Variants in SCN2A observed in about 807,000 individuals in gnomAD.
SCN2A encodes the protein sodium channel protein type 2 subunit alpha.
In SCN2A, 20 loss-of-function variants were observed where a neutral mutation model predicts 188.7. The ratio of observed to expected loss-of-function variants is 0.11; its 90% CI spans 0.07 to 0.15. The LOEUF is 0.15. SCN2A is among the 10% of genes least tolerant of loss of function. The probability of loss-of-function intolerance (pLI) is 1.00; values close to 1 mark genes in which losing one functional copy is unlikely to be tolerated. For missense variants in SCN2A, 1,278 were observed against 2,445.0 expected (o/e 0.52, Z 10.07); for synonymous variants, 804 against 833.1 (o/e 0.97, Z 0.60).
rs778310574 is a variant in SCN2A at position 165,326,883 on chromosome 2, G to A, written c.2048G>A (p.Arg683Lys). 1 of 1,613,968 alleles carries A rather than the reference G, an allele frequency of 6.2e-7. No homozygotes were observed. The highest frequency in any genetic ancestry group is 1.1e-5 in the South Asian group (1 of 91,082). ...GTTTETEIRK[R>K]RSSSYHVSMD... ...ACTACTGAAACAGAAATAAGAAAGAGACGGTCCAGTTCTTATCATGTTTCC... is the reference window on the plus strand; with the variant it reads ...ACTACTGAAACAGAAATAAGAAAGAAACGGTCCAGTTCTTATCATGTTTCC... Residue 683 changes from arginine to lysine, a missense_variant, in exon 13 of 27, where the codon AGA becomes AAA. Transcript: ENST00000375437.
At chr2:165,291,575 T>TCCTTTCTA (rs1460696524) in intron 1 of SCN2A, among the ~76,000 whole-genome samples, 1 of 70,552 alleles carries the variant, frequency 1.4e-5, no homozygotes, top group African/African-American at 4.6e-5. Flanking sequence ...CTTCCTTCCT[T>TCCTTTCTA]TCTCTCTCTC....
At chr2:165,250,499 A>G (rs1392804619) in intron 1 of SCN2A, among the ~76,000 whole-genome samples, 16 of 151,428 alleles carry the variant, frequency 1.1e-4, no homozygotes, top group Admixed American at 1.1e-3. Flanking sequence ...TCACACACAC[A>G]CACACACACA....
At chr2:165,246,849 G>T (rs1030158790) in intron 1 of SCN2A, among the ~76,000 whole-genome samples, 13 of 152,034 alleles carry the variant, frequency 8.6e-5, no homozygotes, top group Non-Finnish European at 1.3e-4. Context: ...CATGTCCCTG[G>T]ATCACTTACT....
rs1380861945 is a variant in SCN2A at position 165,295,965 on chromosome 2, A to C, written c.142A>C (p.Asn48His). Residue 48 changes from asparagine (N) to histidine (H), a missense_variant, in exon 2 of 27, where the codon AAT (asparagine) becomes CAT (histidine). This residue lies in a region of SCN2A where 141 missense variants were observed against 185.4 expected (regional missense o/e 0.76). Coordinates refer to ENST00000375437, the MANE Select transcript of SCN2A (RefSeq NM_001040142.2). ...KQERKDEDDENGPKPNSDLEA... is the reference protein window; with the variant it reads ...KQERKDEDDEHGPKPNSDLEA... ...GGAACGCAAGGATGAGGATGATGAA[A>C]ATGGCCCAAAGCCAAACAGTGACTT... The C allele has an allele frequency of 3.1e-6, 5 of 1,614,026 alleles. No homozygotes were observed. The highest frequency in any genetic ancestry group is 4.2e-6 in the Non-Finnish European group (5 of 1,180,036).
At chr2:165,305,319 A>G (rs1403030600) in intron 3 of SCN2A, among the ~76,000 whole-genome samples, 1 of 152,210 alleles carries the variant, frequency 6.6e-6, no homozygotes, top group Admixed American at 6.5e-5. Context: ...TGAAGTGTTG[A>G]TAAGATATGT....
At chr2:165,357,780 A>G (rs1458154293) in intron 17 of SCN2A, among the ~76,000 whole-genome samples, 1 of 152,120 alleles carries the variant, frequency 6.6e-6, no homozygotes, top group Non-Finnish European at 1.5e-5. Context: ...ACAGGAGTAA[A>G]ATCAAGCTGG....
In SCN2A at chr2:165,342,439, A is replaced by T; in HGVS notation, c.2532A>T (p.Glu844Asp). ...SLMELGLANV[E>D]GLSVLRSFRL... ...TGGAACTTGGTTTGGCAAATGTGGA[A>T]GGATTGTCAGTTCTCCGATCATTCC... The change falls in exon 15 of 27, where the codon GAA (glutamate) becomes GAT (aspartate). Residue 844 changes from glutamate to aspartate, a missense_variant. Coordinates refer to ENST00000375437, the MANE Select transcript of SCN2A (RefSeq NM_001040142.2). The T allele has an allele frequency of 6.2e-7, 1 of 1,614,084 alleles. No individual in the cohort carries two copies. The highest frequency in any genetic ancestry group is 8.5e-7 in the Non-Finnish European group (1 of 1,179,978).
Position 165,354,454 on chromosome 2 carries a change from T to A in SCN2A, c.3182T>A (p.Ile1061Lys), listed in dbSNP as rs781742853. The A allele has an allele frequency of 6.2e-7, 1 of 1,614,056 alleles. No individual in the cohort carries two copies. The highest frequency in any genetic ancestry group is 1.1e-5 in the South Asian group (1 of 91,070). The change falls in exon 17 of 27, where the codon ATA (isoleucine) becomes AAA (lysine). Residue 1061 changes from isoleucine (I) to lysine (K), a missense_variant. Physicochemically the swap from Ile to Lys is moderately radical, Grantham distance 102 (BLOSUM62 -3). Around this residue, in one of 17 missense-constraint regions of SCN2A, gnomAD observed 228 missense variants for 297.3 expected, o/e 0.77. Transcript: ENST00000375437. ...ATTTCCAACCATACCACCATAGAAA[T>A]AGGCAAAGACCTCAATTATCTCAAA... ...SCISNHTTIE[I>K]GKDLNYLKDG...
At chr2:165,384,225 G>A (rs570774137) in intron 25 of SCN2A, among the ~76,000 whole-genome samples, 1 of 152,112 alleles carries the variant, frequency 6.6e-6, no homozygotes, top group East Asian at 1.9e-4. Context: ...TAAATTTAAT[G>A]TTCTAAAAAA....
At chr2:165,330,576 T>C (rs762606676) in intron 13 of SCN2A, among the ~76,000 whole-genome samples, 3 of 152,188 alleles carry the variant, frequency 2.0e-5, no homozygotes, top group Admixed American at 6.6e-5. Context: ...ATGAGAGTTA[T>C]ATATTTAAAT....
intron 13 of SCN2A, among the ~76,000 whole-genome samples, chr2:165,329,446 T>C (rs188802104): frequency 6.6e-6 from 1 of 152,314 alleles, no homozygotes; most frequent in East Asian, 1.9e-4. Context: ...CTCTCCTGAA[T>C]GCTTTGCTTT....
At chr2:165,332,426 G>T (rs1357132607) in intron 14 of SCN2A, among the ~76,000 whole-genome samples, 4 of 151,900 alleles carry the variant, frequency 2.6e-5, no homozygotes, top group African/African-American at 9.7e-5. Flanking sequence ...TGGACTAAAT[G>T]GTTTACATTA....
In SCN2A at chr2:165,302,619, A is replaced by G. The variant is rs77521466; in HGVS notation, c.387-5229A>G. Among the ~76,000 whole-genome samples the G allele has an allele frequency of 5.8e-3, 884 of 152,300 alleles. 21 individuals are homozygous for G. In the East Asian group the frequency reaches 0.09, roughly 15 times the overall value. On this transcript the variant is annotated intron_variant, in intron 3 of 26. Coordinates refer to ENST00000375437, the MANE Select transcript of SCN2A (RefSeq NM_001040142.2). ...TATTATCTTAGTGGATAATGACTGTATACTGTAAGAAAAGTATTATCCACA... is the reference window on the plus strand; with the variant it reads ...TATTATCTTAGTGGATAATGACTGTGTACTGTAAGAAAAGTATTATCCACA...
intron 26 of SCN2A, 139 bp from the exon 27 acceptor site, chr2:165,388,490 C>G: frequency 8.3e-7 from 1 of 1,208,848 alleles, no homozygotes; most frequent in Non-Finnish European, 1.2e-6. Flanking sequence ...TTTTGCTCAA[C>G]AAACATTGCA....
rs768699825 is a variant in SCN2A at position 165,326,954 on chromosome 2, A to G, written c.2119A>G (p.Ile707Val). Reference sequence around the variant, plus strand: ...TACATCAAGGCAAAGAGCAATGAGTATAGCCAGTATTTTGACCAACACCAT... The same window carrying G: ...TACATCAAGGCAAAGAGCAATGAGTGTAGCCAGTATTTTGACCAACACCAT... ...DPTSRQRAMS[I>V]ASILTNTMEE... Residue 707 changes from isoleucine to valine, a missense_variant, in exon 13 of 27, where the codon ATA becomes GTA. Coordinates refer to ENST00000375437, the MANE Select transcript of SCN2A (RefSeq NM_001040142.2). 1.2e-6 allele frequency: 2 copies of G among 1,613,964 alleles called. No individual in the cohort carries two copies. The highest frequency in any genetic ancestry group is 1.3e-5 in the African/African-American group (1 of 74,934).
At chr2:165,388,265 A>G (rs909740686) in intron 26 of SCN2A, among the ~76,000 whole-genome samples, 1 of 152,168 alleles carries the variant, frequency 6.6e-6, no homozygotes, top group Admixed American at 6.6e-5. Flanking sequence ...CCAAAATCAT[A>G]CACCTTTAGT....
chr2:165,382,729 T>C (rs1325021090), intron 25 of SCN2A, among the ~76,000 whole-genome samples: 1 of 152,164 alleles, frequency 6.6e-6, no homozygotes, highest in Non-Finnish European at 1.5e-5. Flanking sequence ...TGAAGTCATA[T>C]GAAGGCACTG....
intron 11 of SCN2A, 69 bp downstream of exon 11, chr2:165,315,827 G>T: frequency 6.5e-7 from 1 of 1,549,648 alleles, no homozygotes; most frequent in Non-Finnish European, 8.8e-7. Flanking sequence ...GAATTTAATG[G>T]AGAGAAAACC....
rs542149958 is a variant in SCN2A, at chr2:165,320,557, A to ACATC, written c.1672-2596_1672-2593dup. Among the ~76,000 whole-genome samples the ACATC allele has an allele frequency of 5.9e-5, 9 of 152,306 alleles. 1 individual carries two copies. In the South Asian group the frequency reaches 1.9e-3, roughly 32 times the overall value. On this transcript the variant is annotated intron_variant, in intron 11 of 26. Coordinates refer to ENST00000375437, the MANE Select transcript of SCN2A (RefSeq NM_001040142.2). ...GCCCCTGCAGCAAACTTCTGCCTGT[A>ACATC]CATCCAGGTGTTTCTATACATCCTC...
Sources: allele counts gnomAD v4.1 joint callset (sites outside exome capture counted in the v4.1 genomes callset), GRCh38; gene constraint gnomAD v4.1.1; regional missense constraint gnomAD v4.1.1; transcripts MANE v1.5; gene names NCBI Gene and HGNC (gene_info 2026-07-23, HGNC 2026-07-21).